The following ASAP1 variants were observed in gnomAD, a reference collection of about 807,000 sequenced individuals.
ASAP1 encodes the protein arf-GAP with SH3 domain, ANK repeat and PH domain-containing protein 1.
ASAP1 carries 43 observed loss-of-function variants against 145.2 expected under a neutral mutation model. The observed-to-expected ratio is 0.30, with a 90% CI of 0.23 to 0.38. The LOEUF is 0.38. ASAP1 is among the 10% of genes least tolerant of loss of function. The probability of loss-of-function intolerance (pLI) is 1.00; values close to 1 mark genes in which losing one functional copy is unlikely to be tolerated. For synonymous variants in ASAP1, 546 were observed against 515.5 expected (o/e 1.06, Z -0.80); for missense variants, 1,018 against 1,355.3 (o/e 0.75, Z 3.91).
intron 3 of ASAP1, among the ~76,000 whole-genome samples, chr8:130,333,972 T>G (rs1020322295): frequency 6.6e-6 from 1 of 152,140 alleles, no homozygotes; most frequent in Non-Finnish European, 1.5e-5. Flanking sequence ...GGCTGCCAAC[T>G]TCTAATGGGG....
At chr8:130,425,061 T>C (rs1175671842) in intron 1 of ASAP1, among the ~76,000 whole-genome samples, 1 of 151,854 alleles carries the variant, frequency 6.6e-6, no homozygotes, top group Non-Finnish European at 1.5e-5. Context: ...CCGGGCGCAA[T>C]GGCTTATCCC....
At chr8:130,101,776 T>C (rs141183778) in intron 24 of ASAP1, among the ~76,000 whole-genome samples, 2 of 137,768 alleles carry the variant, frequency 1.5e-5, no homozygotes, top group African/African-American at 5.5e-5. Context: ...TTCACCATGT[T>C]GCCCAGGCTG....
chr8:130,432,743 T>A (rs576372767), intron 1 of ASAP1, among the ~76,000 whole-genome samples: 2 of 152,048 alleles, frequency 1.3e-5, no homozygotes, highest in Non-Finnish European at 2.9e-5. Context: ...TCTTCCTACA[T>A]GTCTCTTTTT....
intron 24 of ASAP1, among the ~76,000 whole-genome samples, chr8:130,095,486 A>T (rs1280058970): frequency 3.3e-5 from 5 of 151,730 alleles, no homozygotes; most frequent in Non-Finnish European, 7.4e-5. Flanking sequence ...TTTTTAGTAG[A>T]GATGGGGTTT....
At chr8:130,256,787 A>T (rs188058828) in intron 3 of ASAP1, among the ~76,000 whole-genome samples, 5,091 of 133,294 alleles carry the variant, frequency 0.038, 211 homozygotes, top group Middle Eastern at 0.065. Context: ...ATATATCCTT[A>T]TATATATATA....
chr8:130,358,306 G>A lies in ASAP1; in HGVS notation c.60-163C>T, dbSNP rs957067021. 4.7e-5 allele frequency among the ~76,000 whole-genome samples: 7 copies of A among 149,820 alleles called. No homozygotes were observed. The highest frequency in any genetic ancestry group is 1.5e-4 in the African/African-American group (6 of 41,144). ...GTCCCCGGCAGCGGCGAGAGGGAGG[G>A]AAGGAGGCGGGCGAAGGCAGGCGGC... On this transcript the variant is annotated intron_variant, in intron 2 of 29. Transcript: ENST00000518721. The surrounding 1 kb of genome is among the most constrained non-coding windows in gnomAD (Gnocchi z 4.1).
chr8:130,297,040 G>A (rs1259341717), intron 3 of ASAP1, among the ~76,000 whole-genome samples: 1 of 152,132 alleles, frequency 6.6e-6, no homozygotes, highest in East Asian at 1.9e-4. Context: ...ACTGATACCA[G>A]GGCAACTGAT....
intron 13 of ASAP1, among the ~76,000 whole-genome samples, chr8:130,137,563 C>G (rs1482377813): frequency 6.6e-6 from 1 of 152,110 alleles, no homozygotes; most frequent in Non-Finnish European, 1.5e-5. Context: ...AATCAATCAT[C>G]CCCAAATTGA....
chr8:130,220,972 G>A (rs989054614), intron 4 of ASAP1, among the ~76,000 whole-genome samples: 6 of 152,116 alleles, frequency 3.9e-5, no homozygotes, highest in Non-Finnish European at 8.8e-5. Flanking sequence ...AACTTCCTAT[G>A]AGGTCCCTCC....
At chr8:130,199,022 G>A (rs144917404) in intron 5 of ASAP1, among the ~76,000 whole-genome samples, 371 of 152,136 alleles carry the variant, frequency 2.4e-3, no homozygotes, top group African/African-American at 8.7e-3. Context: ...ACTCTGTCTG[G>A]AACACTCTTC....
chr8:130,411,780 C>T (rs1471065946), intron 1 of ASAP1, among the ~76,000 whole-genome samples: 3 of 152,214 alleles, frequency 2.0e-5, no homozygotes, highest in Non-Finnish European at 4.4e-5. Context: ...AGCGGCTTCC[C>T]AGCAAGGCCA....
chr8:130,245,937 GC>G (rs1818822075), intron 3 of ASAP1, among the ~76,000 whole-genome samples: 2 of 151,806 alleles, frequency 1.3e-5, no homozygotes, highest in Admixed American at 1.3e-4. Flanking sequence ...CTATCTAATC[GC>G]CCCGGGACTC....
At chr8:130,069,701 C>T (rs952827515) in intron 27 of ASAP1, 1 of 152,202 alleles carries the variant, frequency 6.6e-6, no homozygotes, top group South Asian at 2.1e-4. Context: ...GACCAAACCC[C>T]TCCGCTCTCC....
rs138341844 is a variant in ASAP1, at chr8:130,214,496, A to G, written c.405+60T>C. 10 of 1,472,578 alleles carry G rather than the reference A, an allele frequency of 6.8e-6. No homozygotes were observed. The African/African-American group carries it at 1.1e-4, about 17-fold the overall frequency. The allele number at this position is 1,472,578 out of a possible 1,614,324, so 91.2% of individuals were successfully genotyped here. On this transcript the variant is annotated intron_variant, in intron 5 of 29. Transcript: ENST00000518721. Reference sequence around the variant, plus strand: ...GGGAAGGATTATTGAAATGTTCTCTATATGACGTAATATTTTGGAAAGGCT... The same window carrying G: ...GGGAAGGATTATTGAAATGTTCTCTGTATGACGTAATATTTTGGAAAGGCT...
intron 3 of ASAP1, among the ~76,000 whole-genome samples, chr8:130,335,416 G>T (rs527906217): frequency 5.3e-5 from 8 of 152,280 alleles, no homozygotes; most frequent in Non-Finnish European, 1.2e-4. Context: ...GACAAATAGT[G>T]AGCAACATAG....
At chr8:130,124,126 A>C (rs1026471823) in intron 17 of ASAP1, 22 bp from the exon 18 acceptor site, 5 of 1,517,310 alleles carry the variant, frequency 3.3e-6, no homozygotes, top group Non-Finnish European at 4.5e-6. Flanking sequence ...AAAACAAACA[A>C]CCACAATATA....
At chr8:130,356,204 A>G (rs1826295844) in intron 3 of ASAP1, among the ~76,000 whole-genome samples, 1 of 152,222 alleles carries the variant, frequency 6.6e-6, no homozygotes, top group South Asian at 2.1e-4. Flanking sequence ...CTCTACAAAC[A>G]GCATCACCGA....
intron 1 of ASAP1, among the ~76,000 whole-genome samples, chr8:130,423,750 T>C (rs1829810086): frequency 6.6e-6 from 1 of 152,244 alleles, no homozygotes; most frequent in African/African-American, 2.4e-5. Flanking sequence ...TTATCTCTCA[T>C]TGGCTGGATA....
chr8:130,258,814 G>C (rs571092328), intron 3 of ASAP1, among the ~76,000 whole-genome samples: 2 of 152,254 alleles, frequency 1.3e-5, no homozygotes, highest in African/African-American at 4.8e-5. Context: ...ACAGTAAATA[G>C]ATAACATACG....
Sources: gnomAD v4.1 joint callset for allele counts (sites outside exome capture counted in the v4.1 genomes callset) on GRCh38, gnomAD v4.1.1 for gene constraint, Gnocchi (gnomAD v3.1) non-coding constraint, MANE v1.5 for transcripts, NCBI Gene and HGNC (gene_info 2026-07-23, HGNC 2026-07-21) for gene names.